Variants in EGLN1 observed in about 807,000 individuals in gnomAD.
EGLN1 encodes the protein egl nine homolog 1.
EGLN1 carries 17 observed loss-of-function variants against 38.3 expected under a neutral mutation model. That is an observed-to-expected ratio of 0.44 (90% CI 0.30 to 0.67). The LOEUF is 0.67. Ranked by LOEUF, EGLN1 falls within the 30% of genes least tolerant of loss-of-function variation. EGLN1 has a pLI of 0.08. For synonymous variants in EGLN1, 283 were observed against 257.5 expected (o/e 1.10, Z -0.95); for missense variants, 477 against 603.3 (o/e 0.79, Z 2.19).
At chr1:231,402,437 C>CT (rs1392880050) in intron 1 of EGLN1, among the ~76,000 whole-genome samples, 1,675 of 140,420 alleles carry the variant, frequency 0.012, 31 homozygotes, top group African/African-American at 0.034. Context: ...TTAGGTCTTA[C>CT]TTTTTTTTTT....
At chr1:231,410,253 T>C (rs189627829) in intron 1 of EGLN1, among the ~76,000 whole-genome samples, 8 of 152,334 alleles carry the variant, frequency 5.3e-5, no homozygotes, top group Admixed American at 1.3e-4. Context: ...GCAGACACTA[T>C]TGCCTTTTTG....
At position 231,421,955 on chromosome 1, in the gene EGLN1, C is replaced by A; in HGVS notation, c.-67G>T. 7.5e-7 allele frequency: 1 copy of A among 1,328,072 alleles called. No homozygotes were observed. Among genetic ancestry groups the A allele is most frequent in the East Asian group, 3.2e-5 (1 of 31,380 alleles). 82.3% of individuals were successfully genotyped at this position (1,328,072 alleles called of 1,614,324 possible). Reference sequence around the variant, plus strand: ...AGGAGGGGTAGCGGCCGGACGGCCTCGCCCGAGGCTGGGGAGCGGGGAGAG... The same window carrying A: ...AGGAGGGGTAGCGGCCGGACGGCCTAGCCCGAGGCTGGGGAGCGGGGAGAG... On this transcript the variant is annotated 5_prime_UTR_variant, in exon 1 of 5. Transcript: ENST00000366641. This position sits in a 1 kb window ranked among gnomAD's most constrained non-coding sequence, Gnocchi z 5.5.
intron 1 of EGLN1, among the ~76,000 whole-genome samples, chr1:231,414,889 C>T (rs937372540): frequency 8.5e-5 from 13 of 152,110 alleles, no homozygotes; most frequent in Admixed American, 3.3e-4. Flanking sequence ...ACATGTGCCA[C>T]CATGCCTGGT....
chr1:231,383,793 T>G (rs763773260), intron 1 of EGLN1, among the ~76,000 whole-genome samples: 24 of 151,988 alleles, frequency 1.6e-4, no homozygotes, highest in Non-Finnish European at 2.9e-4. Context: ...ACTTCCTAAA[T>G]TATGATGATT....
intron 3 of EGLN1, among the ~76,000 whole-genome samples, chr1:231,369,982 G>A (rs1475141778): frequency 6.6e-6 from 1 of 152,128 alleles, no homozygotes; most frequent in Non-Finnish European, 1.5e-5. Flanking sequence ...ATAATAGGTT[G>A]CAAATACCTT....
chr1:231,413,121 G>A (rs1476142622), intron 1 of EGLN1, among the ~76,000 whole-genome samples: 3 of 152,002 alleles, frequency 2.0e-5, no homozygotes, highest in Admixed American at 2.0e-4. Context: ...TGCTGCCCAG[G>A]TTGGAGTGCG....
intron 1 of EGLN1, among the ~76,000 whole-genome samples, chr1:231,412,227 C>G (rs1290345694): frequency 1.3e-5 from 2 of 152,050 alleles, no homozygotes; most frequent in African/African-American, 4.8e-5. Flanking sequence ...TTCTTCTTCA[C>G]TACTTTAGGA....
chr1:231,366,580 T>C, intron 4 of EGLN1, 105 bp from the exon 5 acceptor site: 2 of 1,134,384 alleles, frequency 1.8e-6, no homozygotes, highest in South Asian at 1.3e-5. Flanking sequence ...ATATTTCAAC[T>C]TTGCAAACAT....
Position 231,366,395 on chromosome 1 carries a change from T to C in EGLN1, c.*16A>G. 1.2e-6 allele frequency: 2 copies of C among 1,613,462 alleles called. No individual in the cohort carries two copies. The highest frequency in any genetic ancestry group is 1.7e-6 in the Non-Finnish European group (2 of 1,179,504). On this transcript the variant is annotated 3_prime_UTR_variant, in exon 5 of 5. Transcript: ENST00000366641. ...CAATATTGTAGGTGAAGTGGGGTAT[T>C]GCTGGATCAAAGGCTCTAGAAGACG...
At chr1:231,372,999 G>A (rs781414419) in intron 2 of EGLN1, among the ~76,000 whole-genome samples, 2 of 152,042 alleles carry the variant, frequency 1.3e-5, no homozygotes, top group Non-Finnish European at 2.9e-5. Flanking sequence ...CTATTTGAAT[G>A]TTATACTTAA....
intron 1 of EGLN1, among the ~76,000 whole-genome samples, chr1:231,394,169 T>C (rs1435078016): frequency 6.6e-6 from 1 of 152,164 alleles, no homozygotes; most frequent in African/African-American, 2.4e-5. Context: ...ATCCAATTTA[T>C]TGCAGTTCCC....
chr1:231,414,958 C>T (rs1296901390), intron 1 of EGLN1, among the ~76,000 whole-genome samples: 1 of 152,016 alleles, frequency 6.6e-6, no homozygotes, highest in African/African-American at 2.4e-5. Context: ...GTCTGGAACT[C>T]CTGGGCTCAA....
At chr1:231,369,191 C>T (rs1687748097) in intron 3 of EGLN1, among the ~76,000 whole-genome samples, 1 of 152,152 alleles carries the variant, frequency 6.6e-6, no homozygotes, top group Non-Finnish European at 1.5e-5. Context: ...ACTAACACGA[C>T]TGCACCCCTT....
chr1:231,378,826 C>CTAT (rs1448827956), intron 1 of EGLN1, among the ~76,000 whole-genome samples: 3 of 152,072 alleles, frequency 2.0e-5, no homozygotes, highest in Non-Finnish European at 4.4e-5. Flanking sequence ...GGTTACAGAA[C>CTAT]TATTATTTTT....
chr1:231,390,660 T>C (rs1688342682), intron 1 of EGLN1, among the ~76,000 whole-genome samples: 1 of 152,232 alleles, frequency 6.6e-6, no homozygotes, highest in Non-Finnish European at 1.5e-5. Context: ...CCTGATAGAT[T>C]GAAGCGATTC....
In EGLN1 at chr1:231,375,000, A is replaced by T. The variant is rs184656792; in HGVS notation, c.892-901T>A. Among the ~76,000 whole-genome samples the T allele has an allele frequency of 3.9e-3, 571 of 144,652 alleles. 3 individuals are homozygous for T. The highest frequency in any genetic ancestry group is 0.017 in the South Asian group (73 of 4,306). The allele number at this position is 144,652 out of a possible 152,430, so 94.9% of individuals were successfully genotyped here. ...ACTGAAATTGGTAATGGTATTTTTT[A>T]AAAAATTCTCAGGAATTATGAAGAA... On this transcript the variant is annotated intron_variant, in intron 1 of 4. Transcript: ENST00000366641.
intron 3 of EGLN1, chr1:231,369,512 C>T: frequency 1.1e-6 from 1 of 947,922 alleles, no homozygotes; most frequent in Non-Finnish European, 1.3e-6. Context: ...TTGAAAAGGG[C>T]ACATCATGTG....
intron 1 of EGLN1, among the ~76,000 whole-genome samples, chr1:231,380,792 C>T (rs1399186223): frequency 1.3e-5 from 2 of 152,116 alleles, no homozygotes; most frequent in Non-Finnish European, 2.9e-5. Context: ...ATTTATCTTA[C>T]TAATGTTTTA....
rs949839466 is a variant in EGLN1, at chr1:231,422,219, C to G, written c.-331G>C. The stretch of plus-strand genomic sequence containing the variant: ...CGGCCCCCTCGGCCGCCGCCGCCGC[C>G]TCAGCGTCCCGGGCGGCCCGGCCCA... On this transcript the variant is annotated 5_prime_UTR_variant, in exon 1 of 5. Transcript: ENST00000366641. 12 of 187,986 alleles carry G rather than the reference C, an allele frequency of 6.4e-5. No individual in the cohort carries two copies. Among genetic ancestry groups the G allele is most frequent in the Non-Finnish European group, 1.2e-4 (11 of 92,922 alleles). 11.6% of individuals were successfully genotyped at this position (187,986 alleles called of 1,614,324 possible). A position where few individuals can be genotyped will look rare whatever the true frequency, so the allele number is the denominator to read the frequency against.
Sources: allele counts gnomAD v4.1 joint callset (sites outside exome capture counted in the v4.1 genomes callset), GRCh38; gene constraint gnomAD v4.1.1; non-coding constraint Gnocchi (gnomAD v3.1); transcripts MANE v1.5; gene names NCBI Gene and HGNC (gene_info 2026-07-23, HGNC 2026-07-21).